The following RNF138 variants were observed in gnomAD, a reference collection of about 807,000 sequenced individuals.
RNF138 encodes ring finger protein 138.
RNF138 carries 12 observed loss-of-function variants against 31.0 expected under a neutral mutation model. That is an observed-to-expected ratio of 0.39 (90% CI 0.25 to 0.63). The LOEUF (loss-of-function observed/expected upper bound fraction) is 0.63, where lower values mean the gene tolerates loss of function less well. Among genes scored for constraint, RNF138 ranks in the 20% least tolerant of loss-of-function variants. The probability of loss-of-function intolerance (pLI) is 0.52; values close to 1 mark genes in which losing one functional copy is unlikely to be tolerated. For missense variants in RNF138, 192 were observed against 300.1 expected (o/e 0.64, Z 2.66); for synonymous variants, 105 against 99.5 (o/e 1.06, Z -0.33).
intron 1 of RNF138, 131 bp downstream of exon 1, chr18:32,092,366 A>T: frequency 6.0e-6 from 1 of 167,756 alleles, no homozygotes; most frequent in Non-Finnish European, 1.3e-5. Flanking sequence ...AGCAGTGAAA[A>T]GGGAGGCCTT....
chr18:32,128,650 T>TA (rs1425529869), intron 7 of RNF138, among the ~76,000 whole-genome samples: 1 of 152,222 alleles, frequency 6.6e-6, no homozygotes, highest in African/African-American at 2.4e-5. Context: ...GATTGTGTGT[T>TA]ATGATTAACT....
intron 2 of RNF138, among the ~76,000 whole-genome samples, chr18:32,110,561 C>T (rs1235104724): frequency 2.0e-5 from 3 of 152,128 alleles, no homozygotes. Flanking sequence ...TCTGTTACTG[C>T]ACCATTTCCT....
rs1240210072 is a variant in RNF138, at chr18:32,092,689, G to T, written c.-77-11G>T. The T allele has an allele frequency of 2.6e-6, 2 of 760,676 alleles. No homozygotes were observed. The highest frequency in any genetic ancestry group is 4.5e-6 in the Non-Finnish European group (2 of 442,952). 47.1% of individuals were successfully genotyped at this position (760,676 alleles called of 1,614,324 possible). The stretch of plus-strand genomic sequence containing the variant: ...TGATGCGATCCCCCTCCCCCCTCCG[G>T]GTTCATGTAGGGAGTCGGGCCCCGG... On this transcript the variant is annotated splice_polypyrimidine_tract_variant and intron_variant, in intron 1 of 7. Transcript: ENST00000261593.
chr18:32,120,155 C>T (rs1018548721), intron 4 of RNF138, among the ~76,000 whole-genome samples: 1 of 152,106 alleles, frequency 6.6e-6, no homozygotes, highest in African/African-American at 2.4e-5. Flanking sequence ...TATAATATTA[C>T]AAATAAGTAT....
intron 5 of RNF138, 128 bp downstream of exon 5, chr18:32,123,702 G>A (rs2040341915): frequency 3.6e-6 from 2 of 560,724 alleles, no homozygotes; most frequent in South Asian, 5.3e-5. Context: ...TCCCAGGCTG[G>A]AGTGCAGTGG....
intron 2 of RNF138, among the ~76,000 whole-genome samples, chr18:32,098,535 A>G (rs1313658484): frequency 7.5e-6 from 1 of 133,042 alleles, no homozygotes; most frequent in Non-Finnish European, 1.6e-5. Context: ...CTTCTTTCCT[A>G]AAATCTGTGC....
chr18:32,128,348 GC>G (rs2040416743), intron 7 of RNF138, among the ~76,000 whole-genome samples: 1 of 152,182 alleles, frequency 6.6e-6, no homozygotes, highest in African/African-American at 2.4e-5. Context: ...GACCAGCCTG[GC>G]CAACATGGCA....
intron 2 of RNF138, among the ~76,000 whole-genome samples, chr18:32,103,224 C>A (rs550443220): frequency 6.6e-6 from 1 of 152,094 alleles, no homozygotes; most frequent in South Asian, 2.1e-4. Context: ...AACTCTGTTG[C>A]CCAGGCTGGA....
chr18:32,123,393 G>A (rs1461315404), intron 4 of RNF138, 125 bp from the exon 5 acceptor site: 4 of 555,930 alleles, frequency 7.2e-6, no homozygotes, highest in South Asian at 7.9e-5. Context: ...GGAAAAAGGT[G>A]TATTGAAGTT....
chr18:32,124,497 T>C, intron 5 of RNF138: 2 of 391,888 alleles, frequency 5.1e-6, no homozygotes, highest in Non-Finnish European at 4.6e-6. Flanking sequence ...GTTTTTGTTT[T>C]GGCCTAGAGG....
intron 2 of RNF138, among the ~76,000 whole-genome samples, chr18:32,105,167 C>T (rs981480180): frequency 2.6e-5 from 4 of 152,222 alleles, no homozygotes; most frequent in African/African-American, 9.6e-5. Flanking sequence ...TCTTGGCTCA[C>T]TGCAACTTCT....
At chr18:32,120,136 G>T (rs894109510) in intron 4 of RNF138, among the ~76,000 whole-genome samples, 3 of 151,970 alleles carry the variant, frequency 2.0e-5, no homozygotes, top group African/African-American at 7.2e-5. Context: ...ATTTTAGTGG[G>T]AATACACCTA....
intron 4 of RNF138, among the ~76,000 whole-genome samples, chr18:32,117,121 C>T (rs568749356): frequency 1.1e-4 from 16 of 151,880 alleles, no homozygotes; most frequent in Non-Finnish European, 1.6e-4. Flanking sequence ...AGGATGGTCT[C>T]GAACTCCTGA....
At chr18:32,098,825 C>T (rs867441912) in intron 2 of RNF138, among the ~76,000 whole-genome samples, 20 of 150,040 alleles carry the variant, frequency 1.3e-4, no homozygotes, top group African/African-American at 4.9e-4. Flanking sequence ...TGCACTCCAG[C>T]CCGGGCGACA....
chr18:32,114,840 C>T (rs1268470723), intron 4 of RNF138, among the ~76,000 whole-genome samples: 1 of 152,084 alleles, frequency 6.6e-6, no homozygotes, highest in Non-Finnish European at 1.5e-5. Context: ...GTTGATCATA[C>T]TACATTAGGC....
chr18:32,093,340 G>A (rs936392152), intron 2 of RNF138, among the ~76,000 whole-genome samples: 5 of 152,110 alleles, frequency 3.3e-5, no homozygotes, highest in Admixed American at 1.3e-4. Context: ...GCGCGGGCCC[G>A]CTCGCCCCGC....
intron 7 of RNF138, among the ~76,000 whole-genome samples, chr18:32,128,845 G>A (rs1454309966): frequency 1.3e-5 from 2 of 151,996 alleles, no homozygotes; most frequent in African/African-American, 4.8e-5. Context: ...GACTTATAAA[G>A]GCATTATAAC....
chr18:32,111,649 CTT>C (rs2040133390), intron 2 of RNF138, 103 bp from the exon 3 acceptor site: 3 of 943,084 alleles, frequency 3.2e-6, no homozygotes, highest in Non-Finnish European at 1.6e-6. Context: ...AGTAGCCTAA[CTT>C]ATTTAATATG....
intron 3 of RNF138, 105 bp downstream of exon 3, chr18:32,112,024 AAG>A: frequency 9.6e-7 from 1 of 1,039,554 alleles, no homozygotes. Flanking sequence ...GAAAAGATGA[AAG>A]GTATTTAGAC....
Sources: allele counts gnomAD v4.1 joint callset (sites outside exome capture counted in the v4.1 genomes callset), GRCh38; gene constraint gnomAD v4.1.1; transcripts MANE v1.5; gene names NCBI Gene and HGNC (gene_info 2026-07-23, HGNC 2026-07-21).